Variants in FBXL4 observed in about 807,000 individuals in gnomAD.
The protein encoded by FBXL4 is F-box/LRR-repeat protein 4.
In FBXL4, 40 loss-of-function variants were observed where a neutral mutation model predicts 58.9. The ratio of observed to expected loss-of-function variants is 0.68; its 90% CI spans 0.53 to 0.88. The LOEUF is 0.88. FBXL4 is among the 40% of genes least tolerant of loss of function. FBXL4 has a pLI of 0.00. For synonymous variants in FBXL4, 263 were observed against 265.5 expected, an observed-to-expected ratio of 0.99 and a Z score of 0.09; for missense variants, 676 against 734.4, an observed-to-expected ratio of 0.92 and a Z score of 0.92.
chr6:98,873,672 A>C lies in FBXL4; in HGVS notation c.*606T>G, dbSNP rs1305258573. On this transcript the variant is annotated 3_prime_UTR_variant, in exon 10 of 10. Coordinates refer to ENST00000369244, the MANE Select transcript of FBXL4 (RefSeq NM_001278716.2). The stretch of plus-strand genomic sequence containing the variant: ...GCAATCATAAGTACACTAGAGTCTC[A>C]AAATCCCATCTCAAGTAATCCTCCT... 6.6e-6 allele frequency: 1 copy of C among 152,158 alleles called. No homozygotes were observed. Among genetic ancestry groups the C allele is most frequent in the African/African-American group, 2.4e-5 (1 of 41,406 alleles). 9.4% of individuals were successfully genotyped at this position (152,158 alleles called of 1,614,324 possible). A position where few individuals can be genotyped will look rare whatever the true frequency, so the allele number is the denominator to read the frequency against.
intron 2 of FBXL4, among the ~76,000 whole-genome samples, chr6:98,930,412 C>A (rs1461864735): frequency 1.3e-5 from 2 of 152,154 alleles, no homozygotes; most frequent in African/African-American, 4.8e-5. Context: ...CAGAGCCAGA[C>A]CCTGTCTCAA....
At chr6:98,941,023 A>G (rs566556250) in intron 1 of FBXL4, among the ~76,000 whole-genome samples, 2 of 152,330 alleles carry the variant, frequency 1.3e-5, no homozygotes, top group Admixed American at 1.3e-4. Flanking sequence ...TTTATTATAA[A>G]GGTCCATCCG....
chr6:98,898,210 G>C (rs1272861106), intron 7 of FBXL4: 1 of 818,624 alleles, frequency 1.2e-6, no homozygotes. Context: ...TTCCAGACAG[G>C]CAAAAAAACA....
chr6:98,917,768 C>G, intron 4 of FBXL4, 49 bp from the exon 5 acceptor site: 1 of 1,412,526 alleles, frequency 7.1e-7, no homozygotes, highest in Non-Finnish European at 9.7e-7. Context: ...ATGAGATCTA[C>G]TGGTCCCTTA....
intron 5 of FBXL4, among the ~76,000 whole-genome samples, chr6:98,908,435 C>T (rs1771898696): frequency 2.0e-5 from 3 of 152,206 alleles, no homozygotes; most frequent in Non-Finnish European, 4.4e-5. Context: ...GTATGTCCTG[C>T]TTTTTTTCCT....
chr6:98,894,976 G>T (rs929816845), intron 7 of FBXL4, among the ~76,000 whole-genome samples: 1 of 152,128 alleles, frequency 6.6e-6, no homozygotes, highest in Non-Finnish European at 1.5e-5. Flanking sequence ...TTCTGACCCT[G>T]CCACAGTTCT....
intron 1 of FBXL4, among the ~76,000 whole-genome samples, chr6:98,944,748 C>A (rs1773558109): frequency 1.3e-5 from 2 of 152,128 alleles, no homozygotes; most frequent in Non-Finnish European, 2.9e-5. Context: ...AAAGATCAGA[C>A]AGCTTTATTT....
intron 4 of FBXL4, among the ~76,000 whole-genome samples, chr6:98,922,967 C>T (rs1351130106): frequency 6.6e-6 from 1 of 152,148 alleles, no homozygotes; most frequent in Non-Finnish European, 1.5e-5. Context: ...TGCACATCCC[C>T]CATCTCATCA....
intron 5 of FBXL4, among the ~76,000 whole-genome samples, chr6:98,915,352 A>G (rs1347343540): frequency 2.6e-4 from 40 of 152,170 alleles, no homozygotes; most frequent in African/African-American, 8.4e-4. Flanking sequence ...AAAAGAGCCC[A>G]CATCACCAAG....
chr6:98,911,449 A>G (rs1562235297), intron 5 of FBXL4, among the ~76,000 whole-genome samples: 1 of 152,110 alleles, frequency 6.6e-6, no homozygotes, highest in Non-Finnish European at 1.5e-5. Flanking sequence ...GCAGACTGAC[A>G]CCTCACACGG....
At chr6:98,878,301 T>C (rs1770726186) in intron 8 of FBXL4, among the ~76,000 whole-genome samples, 1 of 152,166 alleles carries the variant, frequency 6.6e-6, no homozygotes. Flanking sequence ...AGTTCAGTAG[T>C]CAGGCAAGGT....
intron 2 of FBXL4, among the ~76,000 whole-genome samples, chr6:98,934,481 C>A (rs1036842672): frequency 6.6e-6 from 1 of 151,836 alleles, no homozygotes; most frequent in African/African-American, 2.4e-5. Flanking sequence ...ATATTGTTCT[C>A]GTATTAGATG....
intron 4 of FBXL4, among the ~76,000 whole-genome samples, chr6:98,922,355 T>A (rs1381886338): frequency 1.3e-5 from 2 of 152,220 alleles, no homozygotes; most frequent in African/African-American, 4.8e-5. Context: ...AGGAAAAGAC[T>A]GGTTTTAAAT....
rs147429704 is a variant in FBXL4 at position 98,905,224 on chromosome 6, T to C, written c.1103+202A>G. ...GGTATAGTTTCCCTTCATATTCATA[T>C]AAAATTTAGCTGAAGAGGATAGTAA... On this transcript the variant is annotated intron_variant, in intron 6 of 9. Transcript: ENST00000369244. 3.2e-3 allele frequency among the ~76,000 whole-genome samples: 488 copies of C among 152,352 alleles called. 1 individual carries two copies. The highest frequency in any genetic ancestry group is 4.8e-3 in the Non-Finnish European group (327 of 68,032).
intron 7 of FBXL4, among the ~76,000 whole-genome samples, chr6:98,881,670 A>G (rs1314826325): frequency 1.3e-5 from 2 of 152,104 alleles, no homozygotes; most frequent in Non-Finnish European, 2.9e-5. Flanking sequence ...AGCAAAAATA[A>G]TAATAGTTAC....
intron 2 of FBXL4, among the ~76,000 whole-genome samples, chr6:98,932,903 A>T (rs1773066475): frequency 6.6e-6 from 1 of 151,772 alleles, no homozygotes; most frequent in South Asian, 2.1e-4. Flanking sequence ...ATGTCAATGA[A>T]GTCATAGAAA....
intron 1 of FBXL4, among the ~76,000 whole-genome samples, chr6:98,945,590 T>A (rs1056944845): frequency 6.6e-6 from 1 of 152,226 alleles, no homozygotes; most frequent in Non-Finnish European, 1.5e-5. Context: ...CATGGGCTAA[T>A]AAAGTTTTAA....
Position 98,926,546 on chromosome 6 carries a change from G to A in FBXL4, c.443C>T (p.Pro148Leu), listed in dbSNP as rs755008031. ...TAVHVLETYH[P>L]GAVIRILACS... ...AGCGAGAATTCTAATGACTGCTCCGGGATGATAGGTTTCTAGAACATGTAC... is the reference window on the plus strand; with the variant it reads ...AGCGAGAATTCTAATGACTGCTCCGAGATGATAGGTTTCTAGAACATGTAC... Residue 148 changes from proline to leucine, a missense_variant, in exon 4 of 10, where the codon CCC becomes CTC. Coordinates refer to ENST00000369244, the MANE Select transcript of FBXL4 (RefSeq NM_001278716.2). 6.2e-7 allele frequency: 1 copy of A among 1,614,098 alleles called. No individual in the cohort carries two copies. Among genetic ancestry groups the A allele is most frequent in the Non-Finnish European group, 8.5e-7 (1 of 1,180,002 alleles).
chr6:98,916,698 T>C (rs1336812103), intron 5 of FBXL4, among the ~76,000 whole-genome samples: 1 of 151,722 alleles, frequency 6.6e-6, no homozygotes, highest in African/African-American at 2.4e-5. Context: ...GGGATAGCAT[T>C]AGGAGATATA....
Sources: gnomAD v4.1 joint callset for allele counts (sites outside exome capture counted in the v4.1 genomes callset) on GRCh38, gnomAD v4.1.1 for gene constraint, MANE v1.5 for transcripts, NCBI Gene and HGNC (gene_info 2026-07-23, HGNC 2026-07-21) for gene names.